The following ARHGAP32 variants were observed in gnomAD, a reference collection of about 807,000 sequenced individuals.
The protein encoded by ARHGAP32 is rho GTPase-activating protein 32.
Under a neutral mutation model 186.5 loss-of-function variants are expected in ARHGAP32, and 51 were observed. The ratio of observed to expected loss-of-function variants is 0.27; its 90% CI spans 0.22 to 0.35. The LOEUF (loss-of-function observed/expected upper bound fraction) is 0.35, where lower values mean the gene tolerates loss of function less well. Ranked by LOEUF, ARHGAP32 falls within the 10% of genes least tolerant of loss-of-function variation. The pLI is 1.00. For missense variants in ARHGAP32, 2,186 were observed against 2,623.5 expected (o/e 0.83, Z 3.64); for synonymous variants, 950 against 964.3 (o/e 0.99, Z 0.27).
chr11:129,190,964 T>A (rs1473301), intron 1 of ARHGAP32, among the ~76,000 whole-genome samples: 20,715 of 152,234 alleles, frequency 0.14, 1,607 homozygotes, highest in African/African-American at 0.2. Flanking sequence ...CTGAAAATTA[T>A]TCTTTTAAAA....
At chr11:129,032,334 G>A (rs1271737110) in intron 11 of ARHGAP32, among the ~76,000 whole-genome samples, 2 of 152,196 alleles carry the variant, frequency 1.3e-5, no homozygotes, top group Non-Finnish European at 2.9e-5. Context: ...CCACTCACCT[G>A]CGTGCTGCCC....
intron 10 of ARHGAP32, among the ~76,000 whole-genome samples, chr11:129,046,574 T>C (rs1939815667): frequency 6.6e-6 from 1 of 152,186 alleles, no homozygotes; most frequent in African/African-American, 2.4e-5. Flanking sequence ...TCTGATCTTC[T>C]TCTACCTTGG....
intron 1 of ARHGAP32, among the ~76,000 whole-genome samples, 180 bp downstream of exon 1, chr11:129,191,903 G>T (rs1164749194): frequency 6.6e-6 from 1 of 152,108 alleles, no homozygotes; most frequent in East Asian, 1.9e-4. Context: ...ACAAGTTCAG[G>T]GCAAGTTGTG....
chr11:129,227,469 C>T (rs554677714), intron 1 of ARHGAP32, among the ~76,000 whole-genome samples: 2 of 91,780 alleles, frequency 2.2e-5, no homozygotes, highest in African/African-American at 8.0e-5. Context: ...ATTACATTGA[C>T]AGTTTAAAAA....
chr11:129,068,960 A>C (rs1565406325), intron 6 of ARHGAP32, among the ~76,000 whole-genome samples: 1 of 152,108 alleles, frequency 6.6e-6, no homozygotes, highest in Non-Finnish European at 1.5e-5. Context: ...CAGGTATGTG[A>C]AAGAACAAGT....
intron 5 of ARHGAP32, among the ~76,000 whole-genome samples, chr11:129,119,153 A>G (rs1412879881): frequency 6.6e-6 from 1 of 151,988 alleles, no homozygotes; most frequent in Admixed American, 6.6e-5. Flanking sequence ...CTTAGCTTGA[A>G]GGAACATTAG....
chr11:129,171,361 A>AG (rs1362929720), intron 1 of ARHGAP32, among the ~76,000 whole-genome samples: 2 of 152,180 alleles, frequency 1.3e-5, no homozygotes, highest in Non-Finnish European at 2.9e-5. Context: ...GGTGAAAGGA[A>AG]GGGGTCCAGG....
At chr11:128,977,855 TTA>T (rs1491192612) in intron 19 of ARHGAP32, among the ~76,000 whole-genome samples, 4 of 14,982 alleles carry the variant, frequency 2.7e-4, no homozygotes, top group African/African-American at 1.4e-3. Flanking sequence ...TTGCAATTTA[TTA>T]TTATTATTAT....
At chr11:129,002,807 T>C (rs934630485) in intron 11 of ARHGAP32, among the ~76,000 whole-genome samples, 1 of 97,700 alleles carries the variant, frequency 1.0e-5, no homozygotes, top group Non-Finnish European at 2.4e-5. Flanking sequence ...GGATGTTGAT[T>C]TTTTTTTTTT....
intron 6 of ARHGAP32, among the ~76,000 whole-genome samples, chr11:129,088,995 CAAAAAAAAA>C (rs10601798): frequency 2.4e-5 from 2 of 84,768 alleles, no homozygotes; most frequent in Admixed American, 1.3e-4. Flanking sequence ...GAGACCTTGT[CAAAAAAAAA>C]AAAAAAAAAA....
chr11:129,100,767 C>T (rs982446332), intron 5 of ARHGAP32, among the ~76,000 whole-genome samples: 4 of 152,112 alleles, frequency 2.6e-5, no homozygotes, highest in Admixed American at 6.5e-5. Flanking sequence ...CCTAGACCTG[C>T]GCCCACCAGC....
At chr11:129,068,668 ATT>A (rs1218481342) in intron 6 of ARHGAP32, among the ~76,000 whole-genome samples, 5 of 151,982 alleles carry the variant, frequency 3.3e-5, no homozygotes, top group Non-Finnish European at 7.4e-5. Context: ...GCATCTTTTC[ATT>A]TGTTATTAAG....
chr11:129,124,250 T>G (rs1204148700), intron 3 of ARHGAP32, among the ~76,000 whole-genome samples: 1 of 152,176 alleles, frequency 6.6e-6, no homozygotes, highest in African/African-American at 2.4e-5. Flanking sequence ...TTTAAATAAT[T>G]TTGTGCATGA....
intron 10 of ARHGAP32, among the ~76,000 whole-genome samples, chr11:129,051,731 C>A (rs1940050277): frequency 6.6e-6 from 1 of 151,736 alleles, no homozygotes; most frequent in Admixed American, 6.6e-5. Flanking sequence ...CTGAGGCAGG[C>A]AGATCACAAG....
At position 128,974,235 on chromosome 11, in the gene ARHGAP32, C is replaced by A. The variant is rs750086812; in HGVS notation, c.2962G>T (p.Val988Phe). The change falls in exon 21 of 23, where the codon GTC becomes TTC. Residue 988 changes from valine (V) to phenylalanine (F), a missense_variant. Around this residue, in one of 5 missense-constraint regions of ARHGAP32, gnomAD observed 1,502 missense variants for 1,570.0 expected, o/e 0.96. Coordinates refer to ENST00000682385, the MANE Select transcript of ARHGAP32 (RefSeq NM_001378024.1). ...TVAQEAYESE[V>F]QPLDQVAAEE... The stretch of plus-strand genomic sequence containing the variant: ...GCAGCCACCTGGTCCAGGGGCTGGA[C>A]TTCAGATTCATATGCTTCTTGGGCA... 17 of 1,614,096 alleles carry A rather than the reference C, an allele frequency of 1.1e-5. 1 individual carries two copies. Among genetic ancestry groups the A allele is most frequent in the Middle Eastern group, 1.6e-4 (1 of 6,084 alleles).
chr11:129,242,337 G>A (rs897257208), intron 1 of ARHGAP32, among the ~76,000 whole-genome samples: 2 of 152,118 alleles, frequency 1.3e-5, no homozygotes, highest in Non-Finnish European at 1.5e-5. Context: ...TGAGGGATTT[G>A]AGCTGTTACA....
intron 10 of ARHGAP32, among the ~76,000 whole-genome samples, chr11:129,044,097 C>CA (rs1157505564): frequency 2.6e-5 from 4 of 151,820 alleles, no homozygotes; most frequent in African/African-American, 9.7e-5. Flanking sequence ...CACATGGCTA[C>CA]AAAAAAGAAG....
At chr11:129,277,923 C>A (rs1055063388) in intron 1 of ARHGAP32, among the ~76,000 whole-genome samples, 5 of 152,208 alleles carry the variant, frequency 3.3e-5, no homozygotes, top group African/African-American at 1.2e-4. Flanking sequence ...CTCAGTTAGA[C>A]TTCAATGTAT....
intron 6 of ARHGAP32, among the ~76,000 whole-genome samples, chr11:129,069,531 CT>C (rs1565406590): frequency 6.6e-6 from 1 of 152,030 alleles, no homozygotes; most frequent in Non-Finnish European, 1.5e-5. Context: ...TTAACAATTA[CT>C]TTTTAGTGCA....
Sources: allele counts gnomAD v4.1 joint callset (sites outside exome capture counted in the v4.1 genomes callset), GRCh38; gene constraint gnomAD v4.1.1; regional missense constraint gnomAD v4.1.1; transcripts MANE v1.5; gene names NCBI Gene and HGNC (gene_info 2026-07-23, HGNC 2026-07-21).